Variants in CHAF1A observed in about 807,000 individuals in gnomAD.
CHAF1A encodes chromatin assembly factor 1 subunit A, also known as CAF-1 subunit A.
A neutral mutation model predicts 93.2 loss-of-function variants in CHAF1A; 5 were observed. The ratio of observed to expected loss-of-function variants is 0.05; its 90% CI spans 0.03 to 0.11. CHAF1A has a LOEUF of 0.11. Ranked by LOEUF, CHAF1A falls within the 10% of genes least tolerant of loss-of-function variation. CHAF1A has a pLI of 1.00. For synonymous variants in CHAF1A, 504 were observed against 510.3 expected (o/e 0.99, Z 0.17); for missense variants, 1,102 against 1,259.9 (o/e 0.87, Z 1.90).
intron 13 of CHAF1A, among the ~76,000 whole-genome samples, chr19:4,441,498 C>T (rs190194844): frequency 2.0e-5 from 3 of 152,060 alleles, no homozygotes. Context: ...ATCCCAGCTA[C>T]TCAGGAGGCT....
chr19:4,407,283 A>G (rs537126121), intron 2 of CHAF1A, among the ~76,000 whole-genome samples: 6 of 145,030 alleles, frequency 4.1e-5, no homozygotes, highest in Non-Finnish European at 9.1e-5. Flanking sequence ...CTATTACATG[A>G]TGAAATAGTT....
rs796193344 is a variant in CHAF1A at position 4,408,595 on chromosome 19, T to G, written c.104-308T>G. On this transcript the variant is annotated intron_variant, in intron 2 of 14. Transcript: ENST00000301280. The stretch of plus-strand genomic sequence containing the variant: ...TTCAAGCGATTCTCCTACCTCAGCC[T>G]CCTCAGTAACTGGTATTACAGGCGT... Among the ~76,000 whole-genome samples the G allele has an allele frequency of 4.7e-5, 7 of 150,166 alleles. No individual in the cohort carries two copies. In the South Asian group the frequency reaches 1.1e-3, roughly 23 times the overall value.
chr19:4,418,921 G>A (rs1973942642), intron 4 of CHAF1A, among the ~76,000 whole-genome samples: 1 of 151,962 alleles, frequency 6.6e-6, no homozygotes, highest in Non-Finnish European at 1.5e-5. Flanking sequence ...GGAGTGCAGT[G>A]GCACGATCTC....
At chr19:4,418,229 T>G (rs1973929096) in intron 4 of CHAF1A, among the ~76,000 whole-genome samples, 153 bp downstream of exon 4, 1 of 152,186 alleles carries the variant, frequency 6.6e-6, no homozygotes. Flanking sequence ...TTTAAGTACT[T>G]GGACTTCATG....
chr19:4,427,136 C>CTTGTTTTTTTT (rs1974098369), intron 7 of CHAF1A, among the ~76,000 whole-genome samples: 1 of 31,948 alleles, frequency 3.1e-5, no homozygotes, highest in Non-Finnish European at 5.0e-5. Context: ...AAGACCCTGT[C>CTTGTTTTTTTT]TTTTTTTTTT....
chr19:4,410,610 ACCTCAAGTAATCTGC>A (rs1465786162), intron 3 of CHAF1A, among the ~76,000 whole-genome samples: 1 of 152,072 alleles, frequency 6.6e-6, no homozygotes, highest in East Asian at 1.9e-4. Flanking sequence ...TGAATTTCTG[ACCTCAAGTAATCTGC>A]CCGTCTTGGC....
downstream of CHAF1A, chr19:4,444,734 T>A (rs1468944476): frequency 1.3e-5 from 2 of 152,362 alleles, no homozygotes; most frequent in South Asian, 4.1e-4. Context: ...GGACACCCTG[T>A]CCCTCTGGCC....
At chr19:4,446,731 C>T (rs1246051770), downstream of CHAF1A, 28 of 1,608,076 alleles carry the variant, frequency 1.7e-5, no homozygotes, top group Admixed American at 4.2e-4. Context: ...TACAGCGTGG[C>T]AGGACATGGG....
At chr19:4,429,076 C>T (rs1974135446) in intron 8 of CHAF1A, 186 bp downstream of exon 8, 1 of 601,950 alleles carries the variant, frequency 1.7e-6, no homozygotes, top group Non-Finnish European at 2.9e-6. Context: ...CTCCTGAAGT[C>T]TTCCTCTCCC....
downstream of CHAF1A, chr19:4,445,618 G>A (rs1974493192): frequency 1.2e-6 from 2 of 1,612,912 alleles, no homozygotes; most frequent in Non-Finnish European, 8.5e-7. Context: ...GGAGGGCAGA[G>A]GGCACCTGCG....
chr19:4,409,636 C>G lies in CHAF1A; in HGVS notation c.837C>G (p.Asp279Glu). 2 of 1,614,192 alleles carry G rather than the reference C, an allele frequency of 1.2e-6. No homozygotes were observed. The highest frequency in any genetic ancestry group is 3.3e-5 in the Admixed American group (2 of 60,018). Residue 279 changes from aspartate to glutamate, a missense_variant, in exon 3 of 15, where the codon GAC becomes GAG. By Grantham distance (45) the Asp-to-Glu change is conservative. This residue lies in a region of CHAF1A where 379 missense variants were observed against 365.7 expected (regional missense o/e 1.04). Coordinates refer to ENST00000301280, the MANE Select transcript of CHAF1A (RefSeq NM_005483.3). ...TGCTGGAATCTTTCCCCGAAGAAGA[C>G]TCTGTACTCAGCCATTCGTCCCTGA... is the stretch of plus-strand genomic sequence containing the variant. Reference protein sequence around the residue: ...SEVLESFPEEDSVLSHSSLSS... With the variant: ...SEVLESFPEEESVLSHSSLSS...
intron 13 of CHAF1A, among the ~76,000 whole-genome samples, chr19:4,435,974 A>ACT (rs1287536382): frequency 6.6e-6 from 1 of 152,152 alleles, no homozygotes; most frequent in African/African-American, 2.4e-5. Flanking sequence ...CCCTGTCTCT[A>ACT]CTAAAAATAC....
intron 3 of CHAF1A, among the ~76,000 whole-genome samples, chr19:4,417,634 T>C (rs553773355): frequency 5.3e-5 from 8 of 151,998 alleles, no homozygotes; most frequent in Non-Finnish European, 1.2e-4. Flanking sequence ...CTAATTTTTG[T>C]ATTTTTAGTA....
rs756190242 is a variant in CHAF1A at position 4,429,420 on chromosome 19, T to G, written c.1605-18T>G. 6.2e-7 allele frequency: 1 copy of G among 1,612,038 alleles called. No homozygotes were observed. Among genetic ancestry groups the G allele is most frequent in the Non-Finnish European group, 8.5e-7 (1 of 1,179,054 alleles). Reference sequence around the variant, plus strand: ...CTGTAAGGCAGCGTGATCCTGAGCCTGGGGTTTTCCTTCTCAGTGATGTCG... The same window carrying G: ...CTGTAAGGCAGCGTGATCCTGAGCCGGGGGTTTTCCTTCTCAGTGATGTCG... On this transcript the variant is annotated intron_variant, in intron 8 of 14. Coordinates refer to ENST00000301280, the MANE Select transcript of CHAF1A (RefSeq NM_005483.3).
intron 10 of CHAF1A, 150 bp from the exon 11 acceptor site, chr19:4,430,399 A>G (rs1204396884): frequency 3.5e-6 from 2 of 570,170 alleles, no homozygotes; most frequent in Non-Finnish European, 6.3e-6. Flanking sequence ...GCTGGTCTCA[A>G]ACTCCTGACT....
intron 7 of CHAF1A, among the ~76,000 whole-genome samples, chr19:4,426,793 T>C (rs1974090443): frequency 6.6e-6 from 1 of 152,130 alleles, no homozygotes; most frequent in African/African-American, 2.4e-5. Context: ...TTCATTATAC[T>C]GAAATTTCTC....
At chr19:4,424,571 C>T (rs947935078) in intron 7 of CHAF1A, among the ~76,000 whole-genome samples, 1 of 152,196 alleles carries the variant, frequency 6.6e-6, no homozygotes, top group Non-Finnish European at 1.5e-5. Flanking sequence ...TCTGGTGATC[C>T]TGTCACCTCA....
downstream of CHAF1A, chr19:4,445,495 A>C (rs775285745): frequency 1.2e-6 from 2 of 1,613,724 alleles, no homozygotes; most frequent in Non-Finnish European, 1.7e-6. Context: ...CCCTGCTTTT[A>C]TTTCACAAGA....
At chr19:4,413,190 A>G (rs551520418) in intron 3 of CHAF1A, among the ~76,000 whole-genome samples, 2 of 150,230 alleles carry the variant, frequency 1.3e-5, no homozygotes, top group East Asian at 3.9e-4. Context: ...TCCTGTCTCA[A>G]CCTCCCAAGT....
Sources: gnomAD v4.1 joint callset for allele counts (sites outside exome capture counted in the v4.1 genomes callset) on GRCh38, gnomAD v4.1.1 for gene constraint, gnomAD v4.1.1 regional missense constraint, MANE v1.5 for transcripts, NCBI Gene and HGNC (gene_info 2026-07-23, HGNC 2026-07-21) for gene names.